GFRA2: variants seen among roughly 807,000 people sequenced by gnomAD.
The protein encoded by GFRA2 is GDNF family receptor alpha 2, also known as GDNF family receptor alpha-2.
GFRA2 carries 17 observed loss-of-function variants against 48.3 expected under a neutral mutation model. The observed-to-expected ratio is 0.35, with a 90% confidence interval of 0.24 to 0.53. The LOEUF (loss-of-function observed/expected upper bound fraction) is 0.53, where lower values mean the gene tolerates loss of function less well. Ranked by LOEUF, GFRA2 falls within the 20% of genes least tolerant of loss-of-function variation. GFRA2 has a pLI of 0.93. For synonymous variants in GFRA2, 305 were observed against 257.2 expected (o/e 1.19, Z -1.78); for missense variants, 660 against 637.3 (o/e 1.04, Z -0.38).
intron 7 of GFRA2, 24 bp downstream of exon 7, chr8:21,702,781 C>T (rs149965588): frequency 1.3e-6 from 2 of 1,565,292 alleles, no homozygotes; most frequent in African/African-American, 1.4e-5. Flanking sequence ...GTGCTCCCCC[C>T]ACGCCTCAGC....
chr8:21,703,016 C>T lies in GFRA2; in HGVS notation c.1046-39G>A, dbSNP rs376269192. ...GAGGGCAGATGCAGAGAAGTCAGAACCCACGTCCGTCACTCCTGTCCCTGC... is the reference window on the plus strand; with the variant it reads ...GAGGGCAGATGCAGAGAAGTCAGAATCCACGTCCGTCACTCCTGTCCCTGC... On this transcript the variant is annotated intron_variant, in intron 6 of 8. Transcript: ENST00000524240. The T allele has an allele frequency of 9.6e-6, 13 of 1,348,416 alleles. No individual in the cohort carries two copies. In the Admixed American group the frequency reaches 1.5e-4, roughly 15 times the overall value. The allele number at this position is 1,348,416 out of a possible 1,614,324, so 83.5% of individuals were successfully genotyped here.
intron 2 of GFRA2, among the ~76,000 whole-genome samples, chr8:21,775,989 CTGTGTGTGTG>C (rs200687629): frequency 0.04 from 5,077 of 126,428 alleles, 121 homozygotes; most frequent in Non-Finnish European, 0.044. Context: ...CACTCATCCT[CTGTGTGTGTG>C]TGTGTGTGTG....
chr8:21,776,776 G>C (rs183483522), intron 2 of GFRA2, among the ~76,000 whole-genome samples: 3,228 of 152,042 alleles, frequency 0.021, 46 homozygotes, highest in Non-Finnish European at 0.031. Context: ...CAGCCAAGAC[G>C]CATTATTTAC....
At chr8:21,748,037 G>A (rs2117581803) in intron 4 of GFRA2, among the ~76,000 whole-genome samples, 1 of 152,098 alleles carries the variant, frequency 6.6e-6, no homozygotes, top group South Asian at 2.1e-4. Context: ...AAACACTGAG[G>A]ATGCCCAAAT....
intron 4 of GFRA2, among the ~76,000 whole-genome samples, chr8:21,730,250 C>T (rs538579122): frequency 3.9e-5 from 6 of 151,942 alleles, no homozygotes; most frequent in East Asian, 3.9e-4. Flanking sequence ...ACTAAAAATA[C>T]GAAATAAGCC....
intron 7 of GFRA2, among the ~76,000 whole-genome samples, chr8:21,700,450 GACTCCC>G (rs1384715879): frequency 6.6e-6 from 1 of 152,180 alleles, no homozygotes; most frequent in Non-Finnish European, 1.5e-5. Flanking sequence ...TGGCGTCCAA[GACTCCC>G]ACAGCCCCAC....
At chr8:21,806,050 A>G (rs1807859333) in intron 1 of GFRA2, among the ~76,000 whole-genome samples, 1 of 152,154 alleles carries the variant, frequency 6.6e-6, no homozygotes, top group Admixed American at 6.5e-5. Context: ...TGGTCCTATA[A>G]CTGCCCTGCA....
At chr8:21,747,756 C>CCACA (rs61578379) in intron 4 of GFRA2, among the ~76,000 whole-genome samples, 6,654 of 138,956 alleles carry the variant, frequency 0.048, 177 homozygotes, top group African/African-American at 0.078. Context: ...CCATCTTCCA[C>CCACA]CACACACACA....
chr8:21,731,898 G>T (rs1317518788), intron 4 of GFRA2, among the ~76,000 whole-genome samples: 2 of 152,236 alleles, frequency 1.3e-5, no homozygotes, highest in African/African-American at 4.8e-5. Context: ...AGTAGCACCT[G>T]AAGGCATGGC....
intron 3 of GFRA2, among the ~76,000 whole-genome samples, chr8:21,754,582 C>T (rs1268243849): frequency 6.8e-6 from 1 of 147,100 alleles, no homozygotes; most frequent in Non-Finnish European, 1.5e-5. Flanking sequence ...GATCGCGGCT[C>T]ACTGCAACCT....
intron 4 of GFRA2, among the ~76,000 whole-genome samples, chr8:21,724,787 C>T (rs944715880): frequency 6.6e-6 from 1 of 152,162 alleles, no homozygotes. Context: ...GCTCCCTTGA[C>T]ACCTCCCCTC....
At chr8:21,784,157 G>A (rs1337593884) in intron 1 of GFRA2, among the ~76,000 whole-genome samples, 1 of 152,152 alleles carries the variant, frequency 6.6e-6, no homozygotes, top group African/African-American at 2.4e-5. Flanking sequence ...CAGGGAAAAA[G>A]AGAGGTAGGT....
At chr8:21,811,145 G>A (rs978518270) in intron 1 of GFRA2, among the ~76,000 whole-genome samples, 1 of 152,198 alleles carries the variant, frequency 6.6e-6, no homozygotes, top group African/African-American at 2.4e-5. Flanking sequence ...GGCATGGGCA[G>A]CCACCTCCTC....
intron 2 of GFRA2, among the ~76,000 whole-genome samples, chr8:21,802,811 G>A (rs2117115705): frequency 6.6e-6 from 1 of 152,274 alleles, no homozygotes; most frequent in East Asian, 1.9e-4. Context: ...ACATAGAAAT[G>A]GAGGTTTTAG....
intron 3 of GFRA2, among the ~76,000 whole-genome samples, chr8:21,761,907 T>A (rs1454696717): frequency 6.6e-6 from 1 of 151,840 alleles, no homozygotes; most frequent in Non-Finnish European, 1.5e-5. Context: ...CTGAGGGCTG[T>A]CACCACTGTA....
At chr8:21,807,558 A>C (rs1807895505) in intron 1 of GFRA2, among the ~76,000 whole-genome samples, 1 of 152,194 alleles carries the variant, frequency 6.6e-6, no homozygotes, top group African/African-American at 2.4e-5. Flanking sequence ...ACAGTTCTGG[A>C]GGCTGGAATT....
At chr8:21,801,244 C>T (rs1163878906) in intron 2 of GFRA2, among the ~76,000 whole-genome samples, 3 of 152,100 alleles carry the variant, frequency 2.0e-5, no homozygotes, top group Non-Finnish European at 2.9e-5. Flanking sequence ...GAATGGGACT[C>T]GTGGTCTCAT....
chr8:21,743,761 G>A (rs73554740), intron 4 of GFRA2, among the ~76,000 whole-genome samples: 17,444 of 152,162 alleles, frequency 0.11, 3,115 homozygotes, highest in African/African-American at 0.38. Flanking sequence ...GGCAGGCATC[G>A]CTAATCAATC....
At chr8:21,759,005 C>T (rs1183410435) in intron 3 of GFRA2, among the ~76,000 whole-genome samples, 1 of 152,180 alleles carries the variant, frequency 6.6e-6, no homozygotes, top group African/African-American at 2.4e-5. Context: ...ACATGCCAGG[C>T]CCTAAAATCC....
Sources: gnomAD v4.1 joint callset for allele counts (sites outside exome capture counted in the v4.1 genomes callset) on GRCh38, gnomAD v4.1.1 for gene constraint, MANE v1.5 for transcripts, NCBI Gene and HGNC (gene_info 2026-07-23, HGNC 2026-07-21) for gene names.